The following MTA3 variants were observed in gnomAD, a reference collection of about 807,000 sequenced individuals.
MTA3 encodes the protein metastasis associated 1 family member 3, also known as metastasis-associated protein MTA3.
A neutral mutation model predicts 83.5 loss-of-function variants in MTA3; 34 were observed. That is an observed-to-expected ratio of 0.41 (90% CI 0.31 to 0.54). MTA3 has a LOEUF of 0.54. Ranked by LOEUF, MTA3 falls within the 20% of genes least tolerant of loss-of-function variation. The pLI is 0.33. For synonymous variants in MTA3, 303 were observed against 252.7 expected (o/e 1.20, Z -1.89); for missense variants, 761 against 726.4 (o/e 1.05, Z -0.55).
At position 42,644,230 on chromosome 2, in the gene MTA3, A is replaced by T; in HGVS notation, c.485A>T (p.Glu162Val). Reference sequence around the variant, plus strand: ...CCTAGATATCAAGCAGACATTCCAGAAATGCTGTTAGAAGGTACGTTTTTC... The same window carrying T: ...CCTAGATATCAAGCAGACATTCCAGTAATGCTGTTAGAAGGTACGTTTTTC... ...VGPRYQADIP[E>V]MLLEGESDER... The change falls in exon 6 of 17, where the codon GAA becomes GTA. Residue 162 changes from glutamate to valine, a missense_variant. Coordinates refer to ENST00000405094, the MANE Select transcript of MTA3 (RefSeq NM_001330442.2). The T allele has an allele frequency of 6.2e-7, 1 of 1,609,366 alleles. No individual in the cohort carries two copies. Among genetic ancestry groups the T allele is most frequent in the Non-Finnish European group, 8.5e-7 (1 of 1,177,650 alleles).
intron 9 of MTA3, among the ~76,000 whole-genome samples, chr2:42,694,172 A>C (rs931952690): frequency 7.9e-5 from 12 of 152,122 alleles, no homozygotes; most frequent in African/African-American, 2.7e-4. Flanking sequence ...TCCATCCCTT[A>C]AGCAGAAGGA....
At chr2:42,736,220 G>A (rs1668604072) in intron 16 of MTA3, among the ~76,000 whole-genome samples, 1 of 152,100 alleles carries the variant, frequency 6.6e-6, no homozygotes, top group African/African-American at 2.4e-5. Context: ...GTAAGATCTG[G>A]GAGAATTCCC....
intron 3 of MTA3, among the ~76,000 whole-genome samples, chr2:42,607,145 G>T (rs1356658686): frequency 2.0e-5 from 3 of 152,088 alleles, no homozygotes; most frequent in Non-Finnish European, 4.4e-5. Flanking sequence ...AGCTCTGAAT[G>T]TTTCTTGAGG....
At chr2:42,556,903 A>G (rs2103790077) in intron 2 of MTA3, among the ~76,000 whole-genome samples, 1 of 152,258 alleles carries the variant, frequency 6.6e-6, no homozygotes, top group Middle Eastern at 3.4e-3. Context: ...AGAGCAGAGG[A>G]CAAGGGCACC....
intron 2 of MTA3, among the ~76,000 whole-genome samples, chr2:42,527,525 C>T (rs1050397010): frequency 6.6e-6 from 1 of 152,106 alleles, no homozygotes; most frequent in African/African-American, 2.4e-5. Flanking sequence ...AAATCTGTAG[C>T]TTTGGCCCTT....
At chr2:42,681,270 A>G (rs1057200662) in intron 8 of MTA3, among the ~76,000 whole-genome samples, 2 of 152,204 alleles carry the variant, frequency 1.3e-5, no homozygotes, top group Admixed American at 1.3e-4. Flanking sequence ...AAGTTACCAT[A>G]TTAAGATGAA....
chr2:42,568,296 G>A (rs1340011683), upstream of MTA3: 1 of 157,218 alleles, frequency 6.4e-6, no homozygotes, highest in African/African-American at 2.4e-5. Flanking sequence ...GAGGTGCTGG[G>A]GAGAGGCTAA....
chr2:42,678,144 G>GA (rs1691550817), intron 8 of MTA3, among the ~76,000 whole-genome samples: 1 of 143,668 alleles, frequency 7.0e-6, no homozygotes, highest in African/African-American at 2.5e-5. Context: ...CTTGTGTTTT[G>GA]TTTTTTTTTT....
chr2:42,663,503 G>GCC (rs373744264), intron 8 of MTA3, among the ~76,000 whole-genome samples: 4 of 152,330 alleles, frequency 2.6e-5, no homozygotes, highest in African/African-American at 9.6e-5. Context: ...GCTTATGCCT[G>GCC]TAGTCTCAAA....
At chr2:42,699,445 T>G (rs1316200535) in intron 11 of MTA3, among the ~76,000 whole-genome samples, 1 of 152,170 alleles carries the variant, frequency 6.6e-6, no homozygotes, top group African/African-American at 2.4e-5. Flanking sequence ...TTTTAAACAA[T>G]GAAGAGTCAT....
At chr2:42,588,962 G>A (rs528046788) in intron 3 of MTA3, among the ~76,000 whole-genome samples, 1 of 152,074 alleles carries the variant, frequency 6.6e-6, no homozygotes, top group Admixed American at 6.6e-5. Context: ...TCTTCTTCAG[G>A]GAAGCCTTAG....
At chr2:42,671,677 TTTTAA>T (rs1446483954) in intron 8 of MTA3, among the ~76,000 whole-genome samples, 1 of 152,226 alleles carries the variant, frequency 6.6e-6, no homozygotes, top group Non-Finnish European at 1.5e-5. Flanking sequence ...GCCTTATAAT[TTTTAA>T]TTTAACTTGT....
At chr2:42,651,421 A>G (rs1346092481) in intron 6 of MTA3, among the ~76,000 whole-genome samples, 3 of 152,304 alleles carry the variant, frequency 2.0e-5, no homozygotes, top group East Asian at 3.9e-4. Flanking sequence ...ACACTTAAAT[A>G]TAAACACTGT....
At chr2:42,601,449 G>T (rs1029915440) in intron 3 of MTA3, among the ~76,000 whole-genome samples, 2 of 152,212 alleles carry the variant, frequency 1.3e-5, no homozygotes, top group Non-Finnish European at 2.9e-5. Context: ...TCACAACACT[G>T]TGTAAGCACT....
Position 42,527,958 on chromosome 2 carries a change from G to A in MTA3, c.-141+32704G>A, listed in dbSNP as rs527725742. Among the ~76,000 whole-genome samples, 4 of 152,062 alleles carry A rather than the reference G, an allele frequency of 2.6e-5. No homozygotes were observed. In the South Asian group the frequency reaches 8.3e-4, roughly 32 times the overall value. ...CTTTTTTGAGACGGAATCTCACTCT[G>A]TCACCCAGACTGGACCAGTACAGTG... On this transcript the variant is annotated intron_variant, in intron 2 of 17. Coordinates refer to the MTA3 transcript ENST00000405592.
exon 1 of MTA3, chr2:42,494,994 G>T (rs1308506888): frequency 6.6e-6 from 1 of 152,508 alleles, no homozygotes; most frequent in Non-Finnish European, 1.5e-5. Flanking sequence ...CCAGCCCGCC[G>T]GAGGCGAGAC....
At chr2:42,627,286 C>A (rs1374260846) in intron 4 of MTA3, among the ~76,000 whole-genome samples, 1 of 152,052 alleles carries the variant, frequency 6.6e-6, no homozygotes, top group African/African-American at 2.4e-5. Context: ...CTATGTTGTC[C>A]AGGGTGGTCT....
At chr2:42,646,047 C>T (rs1688148777) in intron 6 of MTA3, among the ~76,000 whole-genome samples, 2 of 152,190 alleles carry the variant, frequency 1.3e-5, no homozygotes, top group Non-Finnish European at 2.9e-5. Context: ...TCCCAGACCT[C>T]TTAAGAATTA....
intron 9 of MTA3, 131 bp from the exon 10 acceptor site, chr2:42,695,634 C>CAAAAAAAAAAAA (rs70963347): frequency 9.2e-5 from 12 of 130,788 alleles, no homozygotes; most frequent in African/African-American, 2.6e-4. Context: ...CAGTCTATCT[C>CAAAAAAAAAAAA]AAAAAAAAAA....
Sources: gnomAD v4.1 joint callset for allele counts (sites outside exome capture counted in the v4.1 genomes callset) on GRCh38, gnomAD v4.1.1 for gene constraint, MANE v1.5 for transcripts, NCBI Gene and HGNC (gene_info 2026-07-23, HGNC 2026-07-21) for gene names.